The following AUTS2 variants were observed in gnomAD, a reference collection of about 807,000 sequenced individuals.
The protein encoded by AUTS2 is autism susceptibility gene 2 protein.
AUTS2 carries 17 observed loss-of-function variants against 112.4 expected under a neutral mutation model. The ratio of observed to expected loss-of-function variants is 0.15; its 90% CI spans 0.10 to 0.23. The LOEUF (loss-of-function observed/expected upper bound fraction) is 0.23, where lower values mean the gene tolerates loss of function less well. Ranked by LOEUF, AUTS2 falls within the 10% of genes least tolerant of loss-of-function variation. The pLI, the probability that AUTS2 is intolerant of heterozygous loss-of-function variation, is 1.00. For missense variants in AUTS2, 1,510 were observed against 1,701.6 expected (o/e 0.89, Z 1.98); for synonymous variants, 751 against 702.7 (o/e 1.07, Z -1.09).
chr7:69,802,247 C>A (rs765162590), intron 1 of AUTS2, among the ~76,000 whole-genome samples: 32 of 152,260 alleles, frequency 2.1e-4, no homozygotes, highest in African/African-American at 7.5e-4. Context: ...ATGGAAAAGG[C>A]CCTAAGGAAA....
chr7:69,792,318 C>G (rs1484487476), intron 1 of AUTS2, among the ~76,000 whole-genome samples: 1 of 151,824 alleles, frequency 6.6e-6, no homozygotes, highest in Non-Finnish European at 1.5e-5. Flanking sequence ...CTGCTCACTG[C>G]AAGCTCCGCC....
intron 16 of AUTS2, 71 bp downstream of exon 16, chr7:70,785,090 G>A (rs926515764): frequency 9.8e-6 from 15 of 1,529,024 alleles, no homozygotes; most frequent in South Asian, 5.6e-5. Flanking sequence ...CCATGCTCCC[G>A]CTGCACCTCC....
intron 4 of AUTS2, among the ~76,000 whole-genome samples, chr7:70,165,744 C>G (rs1808347185): frequency 6.6e-6 from 1 of 152,118 alleles, no homozygotes; most frequent in Non-Finnish European, 1.5e-5. Context: ...ATGATGGACA[C>G]CAGAAATATA....
chr7:70,403,461 G>A (rs961958128), intron 4 of AUTS2, among the ~76,000 whole-genome samples: 1 of 152,240 alleles, frequency 6.6e-6, no homozygotes, highest in African/African-American at 2.4e-5. Context: ...CTGGAAAATA[G>A]CAGGGCCTTT....
chr7:70,747,290 T>C (rs1788512374), intron 6 of AUTS2, among the ~76,000 whole-genome samples: 1 of 152,374 alleles, frequency 6.6e-6, no homozygotes, highest in South Asian at 2.1e-4. Context: ...CTTGGTTGTC[T>C]GAGAGCATTT....
chr7:70,122,591 T>G (rs560193517), intron 3 of AUTS2, among the ~76,000 whole-genome samples: 2 of 152,278 alleles, frequency 1.3e-5, no homozygotes, highest in South Asian at 4.1e-4. Context: ...GTCAAGCCAG[T>G]CAATGAAACA....
chr7:70,104,720 T>C (rs1293891761), intron 2 of AUTS2, among the ~76,000 whole-genome samples: 1 of 152,230 alleles, frequency 6.6e-6, no homozygotes, highest in Non-Finnish European at 1.5e-5. Flanking sequence ...GTTTGGAGTT[T>C]AGGGAATTTG....
chr7:69,784,908 G>A (rs545726682), intron 1 of AUTS2, among the ~76,000 whole-genome samples: 1 of 152,140 alleles, frequency 6.6e-6, no homozygotes, highest in South Asian at 2.1e-4. Flanking sequence ...TAGGTACTGG[G>A]TTTACAGTGG....
At chr7:70,451,126 C>A (rs947036357) in intron 5 of AUTS2, among the ~76,000 whole-genome samples, 1 of 152,078 alleles carries the variant, frequency 6.6e-6, no homozygotes, top group Non-Finnish European at 1.5e-5. Context: ...GGAGGCCAGC[C>A]AGAACACTGG....
At chr7:70,121,987 C>A (rs1805706437) in intron 3 of AUTS2, among the ~76,000 whole-genome samples, 1 of 152,072 alleles carries the variant, frequency 6.6e-6, no homozygotes, top group Non-Finnish European at 1.5e-5. Context: ...CTGATAGGCA[C>A]ACAATGGAAT....
At chr7:70,742,357 A>G (rs1267398382) in intron 6 of AUTS2, among the ~76,000 whole-genome samples, 1 of 152,234 alleles carries the variant, frequency 6.6e-6, no homozygotes, top group Non-Finnish European at 1.5e-5. Context: ...TCTAAAATCT[A>G]AAAGCTGGAG....
chr7:70,287,785 A>G (rs569020351), intron 4 of AUTS2, among the ~76,000 whole-genome samples: 2 of 151,992 alleles, frequency 1.3e-5, no homozygotes, highest in Admixed American at 1.3e-4. Context: ...GAGCGAACCC[A>G]CAAGAGATGA....
chr7:70,457,622 C>A (rs1181482242), intron 5 of AUTS2, among the ~76,000 whole-genome samples: 2 of 151,984 alleles, frequency 1.3e-5, no homozygotes, highest in Non-Finnish European at 2.9e-5. Flanking sequence ...TTTTTTTCTG[C>A]CTTGTGGATG....
intron 2 of AUTS2, among the ~76,000 whole-genome samples, chr7:70,041,861 CT>C (rs1271921417): frequency 2.0e-5 from 3 of 152,026 alleles, no homozygotes; most frequent in South Asian, 2.1e-4. Flanking sequence ...GTTTTATTAT[CT>C]TTTTTTGCTA....
chr7:69,986,577 C>T (rs980684230), intron 2 of AUTS2, among the ~76,000 whole-genome samples: 34 of 152,322 alleles, frequency 2.2e-4, no homozygotes, highest in South Asian at 4.1e-4. Context: ...GTAAACTTTC[C>T]AGTATTCCTG....
At chr7:70,197,470 GGCCAGTGTGTGTGCGCACCGTGC>G in intron 4 of AUTS2, among the ~76,000 whole-genome samples, 1 of 141,078 alleles carries the variant, frequency 7.1e-6, no homozygotes, top group East Asian at 2.1e-4. Flanking sequence ...AGTGGGCGCA[GGCCAGTGTGTGTGCGCACCGTGC>G]GCGAGCCGAA....
chr7:69,710,993 T>G (rs1277826071), intron 1 of AUTS2, among the ~76,000 whole-genome samples: 1 of 152,226 alleles, frequency 6.6e-6, no homozygotes, highest in Non-Finnish European at 1.5e-5. Context: ...GTGTCTTTTA[T>G]TCTTCCTTTC....
chr7:70,717,013 TTA>T (rs200643435), intron 6 of AUTS2, among the ~76,000 whole-genome samples: 18,438 of 63,180 alleles, frequency 0.29, 1,512 homozygotes, highest in East Asian at 0.54. Context: ...TTTTTTTTTT[TTA>T]TTACTGTTTA....
At chr7:70,785,888 A>T in intron 16 of AUTS2, 67 bp from the exon 17 acceptor site, 1 of 1,498,978 alleles carries the variant, frequency 6.7e-7, no homozygotes, top group South Asian at 1.1e-5. Flanking sequence ...CCCTGCTCCC[A>T]GGAAGCTCTG....
Sources: allele counts gnomAD v4.1 joint callset (sites outside exome capture counted in the v4.1 genomes callset), GRCh38; gene constraint gnomAD v4.1.1; transcripts MANE v1.5; gene names NCBI Gene and HGNC (gene_info 2026-07-23, HGNC 2026-07-21).